PXDNL: variants seen among roughly 807,000 people sequenced by gnomAD.
The protein encoded by PXDNL is probable oxidoreductase PXDNL.
In PXDNL, 145 loss-of-function variants were observed where a neutral mutation model predicts 150.8. That is an observed-to-expected ratio of 0.96 (90% CI 0.84 to 1.10). The LOEUF is 1.10. Ranked by LOEUF, PXDNL falls within the 50% of genes least tolerant of loss-of-function variation. PXDNL has a pLI of 0.00. For synonymous variants in PXDNL, 757 were observed against 725.7 expected (o/e 1.04, Z -0.69); for missense variants, 2,087 against 1,873.9 (o/e 1.11, Z -2.10).
chr8:51,440,827 A>C (rs1003143266), intron 12 of PXDNL, among the ~76,000 whole-genome samples: 5 of 152,104 alleles, frequency 3.3e-5, no homozygotes, highest in Admixed American at 3.3e-4. Context: ...TGGCACAGGG[A>C]GAAGAGTGAG....
chr8:51,566,911 A>G (rs1486062371), intron 3 of PXDNL, among the ~76,000 whole-genome samples: 1 of 151,254 alleles, frequency 6.6e-6, no homozygotes, highest in Admixed American at 6.6e-5. Context: ...TTCTTTTCTA[A>G]TATATGCATT....
intron 1 of PXDNL, among the ~76,000 whole-genome samples, chr8:51,675,867 T>C (rs1815609824): frequency 6.6e-6 from 1 of 151,182 alleles, no homozygotes; most frequent in Admixed American, 6.6e-5. Context: ...CACCCTTCGA[T>C]GATTTTCCTG....
rs539824048 is a variant in PXDNL, at chr8:51,804,454, C to T, written c.164+4727G>A. Among the ~76,000 whole-genome samples the T allele has an allele frequency of 1.2e-3, 176 of 152,114 alleles. 1 individual carries two copies. The highest frequency in any genetic ancestry group is 1.8e-3 in the Non-Finnish European group (122 of 67,986). On this transcript the variant is annotated intron_variant, in intron 1 of 22. Coordinates refer to ENST00000356297, the MANE Select transcript of PXDNL (RefSeq NM_144651.5). ...ATTCAATTTTTTTTCTCCTCTTTTT[C>T]ACTCATTTCACTGTCTTTGTTGCCC... is the stretch of plus-strand genomic sequence containing the variant.
At chr8:51,577,597 T>C (rs1813084916) in intron 3 of PXDNL, among the ~76,000 whole-genome samples, 1 of 146,582 alleles carries the variant, frequency 6.8e-6, no homozygotes, top group African/African-American at 2.5e-5. Flanking sequence ...TATCTACATA[T>C]ATATATATAT....
chr8:51,521,156 C>G (rs189958411), intron 4 of PXDNL, among the ~76,000 whole-genome samples: 22 of 152,214 alleles, frequency 1.4e-4, no homozygotes, highest in Admixed American at 7.2e-4. Context: ...GTGGAAAGAT[C>G]GCTTGAGCCC....
At chr8:51,406,972 G>A (rs1586079114) in intron 17 of PXDNL, among the ~76,000 whole-genome samples, 1 of 152,184 alleles carries the variant, frequency 6.6e-6, no homozygotes, top group Admixed American at 6.5e-5. Context: ...AGGAGGAATG[G>A]GGCCAAGTAT....
intron 20 of PXDNL, among the ~76,000 whole-genome samples, chr8:51,341,589 C>T (rs1457087718): frequency 6.6e-6 from 1 of 152,126 alleles, no homozygotes; most frequent in African/African-American, 2.4e-5. Context: ...AAGTAAAACT[C>T]TTTACTCATT....
intron 21 of PXDNL, among the ~76,000 whole-genome samples, chr8:51,326,825 C>T (rs1805509923): frequency 1.3e-5 from 2 of 152,184 alleles, no homozygotes; most frequent in South Asian, 4.1e-4. Flanking sequence ...TCTTGAGGTC[C>T]TAACCCTCTG....
chr8:51,633,255 A>T (rs1814529610), intron 2 of PXDNL, among the ~76,000 whole-genome samples: 1 of 152,178 alleles, frequency 6.6e-6, no homozygotes, highest in Non-Finnish European at 1.5e-5. Flanking sequence ...GATGCATAGT[A>T]GTCCATGGTG....
intron 4 of PXDNL, among the ~76,000 whole-genome samples, chr8:51,542,626 T>C (rs1812244568): frequency 6.6e-6 from 1 of 151,790 alleles, no homozygotes; most frequent in African/African-American, 2.4e-5. Context: ...CGGACCAATA[T>C]GGTGAAACTC....
At chr8:51,746,774 T>C (rs2032180709) in intron 1 of PXDNL, among the ~76,000 whole-genome samples, 1 of 152,190 alleles carries the variant, frequency 6.6e-6, no homozygotes, top group Admixed American at 6.5e-5. Context: ...CAGGCTGGAG[T>C]GCAGTGGTGT....
chr8:51,705,492 C>A (rs907083929), intron 1 of PXDNL, among the ~76,000 whole-genome samples: 2 of 152,112 alleles, frequency 1.3e-5, no homozygotes, highest in African/African-American at 4.8e-5. Flanking sequence ...GTCATCTAAA[C>A]AGTACTTGTA....
At chr8:51,481,260 G>A (rs1810597927) in intron 6 of PXDNL, among the ~76,000 whole-genome samples, 1 of 152,174 alleles carries the variant, frequency 6.6e-6, no homozygotes, top group Non-Finnish European at 1.5e-5. Context: ...TTGGGAACTG[G>A]AGTGAAGGTC....
chr8:51,539,659 T>A (rs947465767), intron 4 of PXDNL, among the ~76,000 whole-genome samples: 2 of 152,282 alleles, frequency 1.3e-5, no homozygotes, highest in African/African-American at 4.8e-5. Context: ...AGTTATGCAG[T>A]TTATCCTCTC....
At chr8:51,400,702 G>T (rs1808222499) in intron 17 of PXDNL, among the ~76,000 whole-genome samples, 2 of 152,152 alleles carry the variant, frequency 1.3e-5, no homozygotes, top group Non-Finnish European at 2.9e-5. Flanking sequence ...GTTTTGATTG[G>T]TTAAGTGTGT....
At chr8:51,636,795 C>T (rs1814612462) in intron 2 of PXDNL, among the ~76,000 whole-genome samples, 1 of 146,996 alleles carries the variant, frequency 6.8e-6, no homozygotes, top group African/African-American at 2.5e-5. Context: ...ATAAAATTTC[C>T]AATGACTTTT....
chr8:51,721,343 A>G (rs1419582685), intron 1 of PXDNL, among the ~76,000 whole-genome samples: 1 of 152,228 alleles, frequency 6.6e-6, no homozygotes, highest in Non-Finnish European at 1.5e-5. Flanking sequence ...CAAAGAATGA[A>G]TTGTGTATAA....
At chr8:51,447,456 G>A (rs955564152) in intron 11 of PXDNL, among the ~76,000 whole-genome samples, 8 of 152,214 alleles carry the variant, frequency 5.3e-5, no homozygotes, top group African/African-American at 1.7e-4. Flanking sequence ...ACTATAATCA[G>A]AAAGCAAATT....
intron 1 of PXDNL, among the ~76,000 whole-genome samples, chr8:51,775,508 T>C (rs1035013411): frequency 6.6e-6 from 1 of 152,196 alleles, no homozygotes; most frequent in African/African-American, 2.4e-5. Context: ...GCTGAAGCCA[T>C]GGCAGAAGAA....
Sources: gnomAD v4.1 joint callset for allele counts (sites outside exome capture counted in the v4.1 genomes callset) on GRCh38, gnomAD v4.1.1 for gene constraint, MANE v1.5 for transcripts, NCBI Gene and HGNC (gene_info 2026-07-23, HGNC 2026-07-21) for gene names.